ZC3H12B: variants seen among roughly 807,000 people sequenced by gnomAD.
The protein encoded by ZC3H12B is zinc finger CCCH-type containing 12B.
Under a neutral mutation model 43.9 loss-of-function variants are expected in ZC3H12B, and 7 were observed. That is an observed-to-expected ratio of 0.16 (90% CI 0.09 to 0.30). The LOEUF is 0.30. Among genes scored for constraint, ZC3H12B ranks in the 10% least tolerant of loss-of-function variants. The probability of loss-of-function intolerance (pLI) is 1.00; values close to 1 mark genes in which losing one functional copy is unlikely to be tolerated. For synonymous variants in ZC3H12B, 222 were observed against 241.7 expected, an observed-to-expected ratio of 0.92 and a Z score of 0.76; for missense variants, 475 against 670.2, an observed-to-expected ratio of 0.71 and a Z score of 3.22.
chrX:65,132,388 T>A, the ZC3H12B span, among the ~76,000 whole-genome samples: 1 of 110,612 alleles, frequency 9.0e-6, no homozygotes, highest in Non-Finnish European at 1.9e-5. Context: ...TGTTGTGGGA[T>A]GGGATACTGG....
At chrX:65,336,853 A>G in the ZC3H12B span, among the ~76,000 whole-genome samples, 1 of 112,370 alleles carries the variant, frequency 8.9e-6, no homozygotes, top group African/African-American at 3.2e-5. Flanking sequence ...ATGTCCCATG[A>G]CCCTGTACAT....
chrX:65,337,932 G>C, the ZC3H12B span, among the ~76,000 whole-genome samples: 1 of 111,955 alleles, frequency 8.9e-6, no homozygotes, highest in African/African-American at 3.2e-5. Context: ...CTTGTGAGAT[G>C]GGTCTTTTAA....
chrX:65,370,796 T>A (rs2147980728), intron 2 of ZC3H12B, among the ~76,000 whole-genome samples: 1 of 111,987 alleles, frequency 8.9e-6, no homozygotes, highest in Non-Finnish European at 1.9e-5. Flanking sequence ...CATATTAAAA[T>A]CTTGGCTCAA....
chrX:65,379,492 C>T (rs190104116), intron 2 of ZC3H12B, among the ~76,000 whole-genome samples: 1 of 112,000 alleles, frequency 8.9e-6, no homozygotes, highest in African/African-American at 3.2e-5. Flanking sequence ...GTAGATAAAA[C>T]CACAAAGATA....
At chrX:65,207,080 A>G in the ZC3H12B span, among the ~76,000 whole-genome samples, 3 of 109,274 alleles carry the variant, frequency 2.7e-5, no homozygotes, top group Non-Finnish European at 3.8e-5. Flanking sequence ...TAATACAGCC[A>G]TTATGGAAAT....
chrX:65,175,861 G>A, the ZC3H12B span, among the ~76,000 whole-genome samples: 4 of 112,293 alleles, frequency 3.6e-5, no homozygotes, highest in African/African-American at 6.5e-5. Context: ...TTCCAGTGAA[G>A]ATACTACGCT....
the ZC3H12B span, among the ~76,000 whole-genome samples, chrX:65,226,435 C>T: frequency 2.7e-5 from 3 of 111,508 alleles, no homozygotes; most frequent in African/African-American, 6.5e-5. Flanking sequence ...TTGTAAAGAC[C>T]GTCAAGGCTA....
At chrX:65,254,242 A>T in the ZC3H12B span, among the ~76,000 whole-genome samples, 2 of 111,767 alleles carry the variant, frequency 1.8e-5, no homozygotes, top group Non-Finnish European at 1.9e-5. Flanking sequence ...GGACACTAAC[A>T]CCCTTGCACC....
intron 2 of ZC3H12B, among the ~76,000 whole-genome samples, chrX:65,389,684 C>G (rs1180144626): frequency 2.7e-5 from 3 of 112,574 alleles, no homozygotes; most frequent in Non-Finnish European, 3.8e-5. Context: ...AAACCAGTAC[C>G]TCAATTGGAA....
the ZC3H12B span, among the ~76,000 whole-genome samples, chrX:65,262,389 T>C: frequency 9.0e-6 from 1 of 110,834 alleles, no homozygotes; most frequent in African/African-American, 3.3e-5. Context: ...ATAAGCAGAT[T>C]CTGCCAGCAG....
At chrX:65,102,705 A>G in the ZC3H12B span, among the ~76,000 whole-genome samples, 2 of 111,817 alleles carry the variant, frequency 1.8e-5, no homozygotes, top group South Asian at 3.7e-4. Context: ...CTTCAAGGAG[A>G]ACAAAAACCA....
chrX:65,058,888 T>C, the ZC3H12B span, among the ~76,000 whole-genome samples: 2 of 112,223 alleles, frequency 1.8e-5, no homozygotes, highest in African/African-American at 6.5e-5. Context: ...GCGCGGGATA[T>C]AATCTTCTGG....
the ZC3H12B span, among the ~76,000 whole-genome samples, chrX:65,218,837 GC>G: frequency 9.0e-6 from 1 of 111,591 alleles, no homozygotes; most frequent in African/African-American, 3.3e-5. Context: ...TCTTGAAAGT[GC>G]CCCCTCCTGG....
the ZC3H12B span, among the ~76,000 whole-genome samples, chrX:65,175,271 C>A: frequency 8.9e-6 from 1 of 111,803 alleles, no homozygotes; most frequent in African/African-American, 3.2e-5. Flanking sequence ...TAGAAATTAC[C>A]CCCCTCTGCA....
chrX:65,250,949 C>T, the ZC3H12B span, among the ~76,000 whole-genome samples: 1 of 111,583 alleles, frequency 9.0e-6, no homozygotes, highest in East Asian at 2.8e-4. Flanking sequence ...TAATTAGATC[C>T]CATTTGTCAA....
chrX:65,156,711 T>C, the ZC3H12B span, among the ~76,000 whole-genome samples: 1 of 110,710 alleles, frequency 9.0e-6, no homozygotes, highest in Admixed American at 9.7e-5. Flanking sequence ...AGACAGGATC[T>C]CTCCATGTTG....
chrX:65,503,359 G>A (rs2068393989), exon 5 of ZC3H12B: 3 of 488,229 alleles, frequency 6.1e-6, no homozygotes, highest in East Asian at 4.0e-5. Flanking sequence ...TGTGAGGTAC[G>A]TCTTACTAAC....
At chrX:65,267,206 T>A in the ZC3H12B span, among the ~76,000 whole-genome samples, 1 of 109,583 alleles carries the variant, frequency 9.1e-6, no homozygotes, top group Non-Finnish European at 1.9e-5. Context: ...TTTCTTTTTT[T>A]TTTTTTTTGG....
chrX:65,083,167 G>T, the ZC3H12B span, among the ~76,000 whole-genome samples: 1 of 111,039 alleles, frequency 9.0e-6, no homozygotes, highest in African/African-American at 3.3e-5. Context: ...ACTAAATGGG[G>T]AAAAACTGAA....
Sources: allele counts gnomAD v4.1 joint callset (sites outside exome capture counted in the v4.1 genomes callset), GRCh38; gene constraint gnomAD v4.1.1; transcripts MANE v1.5; gene names NCBI Gene and HGNC (gene_info 2026-07-23, HGNC 2026-07-21).